The following TTC3 variants were observed in gnomAD, a reference collection of about 807,000 sequenced individuals.
The protein encoded by TTC3 is tetratricopeptide repeat domain 3, also known as E3 ubiquitin-protein ligase TTC3.
A neutral mutation model predicts 249.6 loss-of-function variants in TTC3; 180 were observed. The ratio of observed to expected loss-of-function variants is 0.72; its 90% CI spans 0.64 to 0.82. TTC3 has a LOEUF of 0.82. Ranked by LOEUF, TTC3 falls within the 40% of genes least tolerant of loss-of-function variation. The probability of loss-of-function intolerance (pLI) is 0.00; values close to 1 mark genes in which losing one functional copy is unlikely to be tolerated. For synonymous variants in TTC3, 717 were observed against 805.0 expected, an observed-to-expected ratio of 0.89 and a Z score of 1.85; for missense variants, 2,061 against 2,398.4, an observed-to-expected ratio of 0.86 and a Z score of 2.94.
At chr21:37,091,448 A>C (rs754629866) in intron 7 of TTC3, 35 bp downstream of exon 7, 7 of 1,571,324 alleles carry the variant, frequency 4.5e-6, no homozygotes, top group Non-Finnish European at 6.0e-6. Context: ...TACTTGACTC[A>C]GTTTTTAAAG....
intron 16 of TTC3, among the ~76,000 whole-genome samples, chr21:37,129,545 A>T (rs1252090175): frequency 6.6e-6 from 1 of 152,224 alleles, no homozygotes; most frequent in Admixed American, 6.5e-5. Context: ...TTAGAGGAAA[A>T]TCTTTCCTAA....
At chr21:37,095,521 C>G in intron 9 of TTC3, 77 bp downstream of exon 9, 1 of 988,252 alleles carries the variant, frequency 1.0e-6, no homozygotes, top group Non-Finnish European at 1.5e-6. Context: ...GAAATAAAAA[C>G]AAGACGGAGA....
At chr21:37,164,279 G>T in intron 32 of TTC3, 64 bp downstream of exon 32, 1 of 1,373,386 alleles carries the variant, frequency 7.3e-7, no homozygotes, top group Non-Finnish European at 9.6e-7. Flanking sequence ...AAGATCAGAA[G>T]TTGTTTAATT....
chr21:37,114,158 C>G (rs1340990632), intron 11 of TTC3, among the ~76,000 whole-genome samples: 3 of 152,062 alleles, frequency 2.0e-5, no homozygotes, highest in Admixed American at 2.0e-4. Flanking sequence ...ACACCAAAAG[C>G]AATGGCAACA....
chr21:37,189,821 C>T (rs562485551), intron 39 of TTC3, among the ~76,000 whole-genome samples: 32 of 152,180 alleles, frequency 2.1e-4, no homozygotes, highest in African/African-American at 7.0e-4. Flanking sequence ...GCTAGGATTA[C>T]AGGAGTGCCT....
At chr21:37,201,366 G>A (rs1258334737) in intron 45 of TTC3, 74 bp from the exon 46 acceptor site, 11 of 1,599,554 alleles carry the variant, frequency 6.9e-6, no homozygotes, top group African/African-American at 4.0e-5. Context: ...CTGCCAAGGA[G>A]CCCAGCAGCA....
At chr21:37,195,184 A>G (rs2084736800) in intron 41 of TTC3, among the ~76,000 whole-genome samples, 1 of 152,168 alleles carries the variant, frequency 6.6e-6, no homozygotes, top group East Asian at 1.9e-4. Flanking sequence ...TTTTAAAAAG[A>G]TTTGGCCTCA....
At chr21:37,167,443 G>GA (rs5843802) in intron 33 of TTC3, 112 bp from the exon 34 acceptor site, 627,963 of 634,428 alleles carry the variant, frequency 0.99, 310,749 homozygotes, top group African/African-American at 1. Context: ...ATCTAAATGG[G>GA]AAAAAAAACT....
At chr21:37,196,503 C>G (rs561003346) in intron 42 of TTC3, among the ~76,000 whole-genome samples, 1 of 152,154 alleles carries the variant, frequency 6.6e-6, no homozygotes, top group Admixed American at 6.5e-5. Context: ...TCCCAAAGTG[C>G]TGGGGTTACA....
chr21:37,075,598 C>G (rs961731296), intron 1 of TTC3, among the ~76,000 whole-genome samples: 5 of 152,220 alleles, frequency 3.3e-5, no homozygotes, highest in African/African-American at 1.2e-4. Context: ...TTTTTGCCAT[C>G]TCTTTACTGA....
chr21:37,108,266 T>C, intron 10 of TTC3, 126 bp from the exon 11 acceptor site: 1 of 730,736 alleles, frequency 1.4e-6, no homozygotes, highest in African/African-American at 1.8e-5. Context: ...ATATGGATTT[T>C]TTTTAATTAA....
At chr21:37,081,412 A>G (rs2071644694) in intron 1 of TTC3, among the ~76,000 whole-genome samples, 1 of 151,904 alleles carries the variant, frequency 6.6e-6, no homozygotes, top group Non-Finnish European at 1.5e-5. Flanking sequence ...CACTGCACCC[A>G]GCCTATTTAT....
intron 1 of TTC3, chr21:37,083,385 A>G (rs2071973040): frequency 3.0e-6 from 3 of 985,464 alleles, no homozygotes; most frequent in Non-Finnish European, 3.6e-6. Flanking sequence ...CAGTAAAGTG[A>G]TATGATCAGA....
chr21:37,167,710 G>A lies in TTC3; in HGVS notation c.4467+90G>A, dbSNP rs183316070. The A allele has an allele frequency of 2.3e-4, 219 of 937,418 alleles. No individual in the cohort carries two copies. The African/African-American group carries it at 3.1e-3, about 13-fold the overall frequency. The allele number at this position is 937,418 out of a possible 1,614,324, so 58.1% of individuals were successfully genotyped here. On this transcript the variant is annotated intron_variant, in intron 34 of 45. Coordinates refer to ENST00000355666, the Ensembl canonical transcript of TTC3. ...ATGAACTAGAACTATTTTGGAGTCA[G>A]CTTATTCCACACAAAGTTATCATGG...
chr21:37,165,779 A>G (rs1316087280), exon 33 of TTC3: 1 of 1,613,900 alleles, frequency 6.2e-7, no homozygotes. Context: ...AAACATTAAA[A>G]CAAAAGTAGA....
At chr21:37,136,451 T>C (rs978447914) in intron 18 of TTC3, among the ~76,000 whole-genome samples, 1 of 152,204 alleles carries the variant, frequency 6.6e-6, no homozygotes, top group Admixed American at 6.5e-5. Flanking sequence ...TTCTTGCCGA[T>C]GCAGAGAGTC....
chr21:37,107,141 G>GA (rs1396421778), intron 10 of TTC3, among the ~76,000 whole-genome samples: 4 of 149,384 alleles, frequency 2.7e-5, no homozygotes, highest in Admixed American at 6.7e-5. Flanking sequence ...AAGTTATCTA[G>GA]TTTTGTTCTT....
At chr21:37,153,699 G>A (rs551915248) in intron 27 of TTC3, among the ~76,000 whole-genome samples, 1 of 152,318 alleles carries the variant, frequency 6.6e-6, no homozygotes, top group Non-Finnish European at 1.5e-5. Flanking sequence ...TAAACTATTT[G>A]TAAATGTGTA....
chr21:37,194,853 T>A (rs1326822214), intron 41 of TTC3: 1 of 152,254 alleles, frequency 6.6e-6, no homozygotes, highest in Non-Finnish European at 1.5e-5. Context: ...CTTGAGTGAT[T>A]TCCATTTGTT....
Sources: gnomAD v4.1 joint callset for allele counts (sites outside exome capture counted in the v4.1 genomes callset) on GRCh38, gnomAD v4.1.1 for gene constraint, MANE v1.5 for transcripts, NCBI Gene and HGNC (gene_info 2026-07-23, HGNC 2026-07-21) for gene names.